Variants in CELSR1 observed in about 807,000 individuals in gnomAD.
The protein encoded by CELSR1 is adhesion G protein-coupled receptor C1.
A neutral mutation model predicts 249.1 loss-of-function variants in CELSR1; 110 were observed. The observed-to-expected ratio is 0.44, with a 90% CI of 0.38 to 0.52. CELSR1 has a LOEUF of 0.52. Ranked by LOEUF, CELSR1 falls within the 20% of genes least tolerant of loss-of-function variation. CELSR1 has a pLI of 0.00. For missense variants in CELSR1, 4,109 were observed against 4,296.4 expected, an observed-to-expected ratio of 0.96 and a Z score of 1.22; for synonymous variants, 2,113 against 1,900.0, an observed-to-expected ratio of 1.11 and a Z score of -2.92.
At chr22:46,373,426 G>A (rs988522636) in intron 24 of CELSR1, among the ~76,000 whole-genome samples, 2 of 145,000 alleles carry the variant, frequency 1.4e-5, no homozygotes, top group African/African-American at 2.6e-5. Context: ...CGGGGCGGGG[G>A]GGCAGCTTCA....
rs1183267391 is a variant in CELSR1 at position 46,437,209 on chromosome 22, A to C, written c.4407-920T>G. 1.3e-5 allele frequency among the ~76,000 whole-genome samples: 2 copies of C among 152,180 alleles called. No individual in the cohort carries two copies. Among genetic ancestry groups the C allele is most frequent in the African/African-American group, 4.8e-5 (2 of 41,528 alleles). On this transcript the variant is annotated intron_variant, in intron 3 of 34. Transcript: ENST00000674500. The surrounding 1 kb of genome is among the most constrained non-coding windows in gnomAD (Gnocchi z 4.9). ...TCAAATTCTCAGAAATCCTTCTCCC[A>C]CCCAGGGGCCCCGGGCAGGGGGTCT...
At position 46,439,179 on chromosome 22, in the gene CELSR1, G is replaced by A. The variant is rs772817112; in HGVS notation, c.4406+10C>T. On this transcript the variant is annotated intron_variant, in intron 3 of 34. Coordinates refer to ENST00000674500, the MANE Select transcript of CELSR1 (RefSeq NM_001378328.1). ...AGACCCCCGTGTGGCGCGGCGGGAC[G>A]CACACTCACGTGAGGGAGATGGTGA... 1.1e-5 allele frequency: 18 copies of A among 1,607,596 alleles called. No individual in the cohort carries two copies. Among genetic ancestry groups the A allele is most frequent in the East Asian group, 2.2e-5 (1 of 44,758 alleles).
In CELSR1 at chr22:46,535,369, T is replaced by C. The variant is rs1205075244; in HGVS notation, c.1802A>G (p.His601Arg). ...DADSGENARLHYRLVDTASTF... is the reference protein window; with the variant it reads ...DADSGENARLRYRLVDTASTF... The stretch of plus-strand genomic sequence containing the variant: ...GGAGGCCGTGTCCACCAGGCGATAG[T>C]GCAGCCGGGCGTTCTCTCCAGAGTC... Residue 601 changes from histidine (H) to arginine (R), a missense_variant, in exon 1 of 35, where the codon CAC (histidine) becomes CGC (arginine). Physicochemically the swap from His to Arg is conservative, Grantham distance 29. Around this residue, in one of 7 missense-constraint regions of CELSR1, gnomAD observed 886 missense variants for 896.5 expected, o/e 0.99. Transcript: ENST00000674500. 2 of 1,612,180 alleles carry C rather than the reference T, an allele frequency of 1.2e-6. No homozygotes were observed. The highest frequency in any genetic ancestry group is 8.5e-7 in the Non-Finnish European group (1 of 1,179,694).
intron 2 of CELSR1, among the ~76,000 whole-genome samples, chr22:46,442,589 G>C (rs950854390): frequency 2.0e-5 from 3 of 152,216 alleles, no homozygotes; most frequent in African/African-American, 7.2e-5. Context: ...CCTCAGCCAC[G>C]GGCTGATTTC....
rs990419062 is a variant in CELSR1, at chr22:46,484,317, ACCAGCCCAGC to A, written c.3545-19982_3545-19973del. 6.6e-6 allele frequency among the ~76,000 whole-genome samples: 1 copy of A among 151,994 alleles called. No individual in the cohort carries two copies. Among genetic ancestry groups the A allele is most frequent in the South Asian group, 2.1e-4 (1 of 4,816 alleles). Reference sequence around the variant, plus strand: ...TGCAGGGGACAGAGTCCCTCCTTCCACCAGCCCAGCCCAGCCCATGGTGGCAGCTGCCTCG... The same window carrying A: ...TGCAGGGGACAGAGTCCCTCCTTCCACCAGCCCATGGTGGCAGCTGCCTCG... On this transcript the variant is annotated intron_variant, in intron 1 of 34. Transcript: ENST00000674500. This position sits in a 1 kb window ranked among gnomAD's most constrained non-coding sequence, Gnocchi z 4.5.
Position 46,398,738 on chromosome 22 carries a change from A to T in CELSR1, c.5413-101T>A. On this transcript the variant is annotated intron_variant, in intron 10 of 34. Transcript: ENST00000674500. This position sits in a 1 kb window ranked among gnomAD's most constrained non-coding sequence, Gnocchi z 7.2. Reference sequence around the variant, plus strand: ...CACTGGAAGTCTAAACAGTCACTTCAACAAACTCCGCAGAGCCTGAGGACA... The same window carrying T: ...CACTGGAAGTCTAAACAGTCACTTCTACAAACTCCGCAGAGCCTGAGGACA... The T allele has an allele frequency of 1.1e-6, 1 of 884,352 alleles. No individual in the cohort carries two copies. The highest frequency in any genetic ancestry group is 1.7e-6 in the Non-Finnish European group (1 of 579,698). The allele number at this position is 884,352 out of a possible 1,614,324, so 54.8% of individuals were successfully genotyped here.
rs761035661 is a variant in CELSR1, at chr22:46,534,769, T to C, written c.2402A>G (p.Asp801Gly). ...SSHYTVSVSE[D>G]RPVGTSIATL... ...AGCAATGGAGGTGCCCACAGGCCTG[T>C]CCTCACTGACACTCACTGTGTAATG... Residue 801 changes from aspartate to glycine, a missense_variant, in exon 1 of 35, where the codon GAC becomes GGC. By Grantham distance (94) the Asp-to-Gly change is moderately conservative. Coordinates refer to ENST00000674500, the MANE Select transcript of CELSR1 (RefSeq NM_001378328.1). This position sits in a 1 kb window ranked among gnomAD's most constrained non-coding sequence, Gnocchi z 9.7. 6.2e-7 allele frequency: 1 copy of C among 1,613,134 alleles called. No individual in the cohort carries two copies. Among genetic ancestry groups the C allele is most frequent in the Admixed American group, 1.7e-5 (1 of 60,020 alleles).
In CELSR1 at chr22:46,361,264, C is replaced by G. The variant is rs996259338; in HGVS notation, c.*1959G>C. 3 of 152,578 alleles carry G rather than the reference C, an allele frequency of 2.0e-5. No individual in the cohort carries two copies. In the East Asian group the frequency reaches 5.8e-4, roughly 29 times the overall value. 9.5% of individuals were successfully genotyped at this position (152,578 alleles called of 1,614,324 possible). A position where few individuals can be genotyped will look rare whatever the true frequency, so the allele number is the denominator to read the frequency against. ...TAATAAATACACGTTCTGTTAAAAA[C>G]CTCCAGTGTCTAATCTCTCCCATAA... On this transcript the variant is annotated 3_prime_UTR_variant, in exon 35 of 35. Coordinates refer to ENST00000674500, the MANE Select transcript of CELSR1 (RefSeq NM_001378328.1).
chr22:46,368,778 G>C (rs1005190011), intron 27 of CELSR1, among the ~76,000 whole-genome samples: 5 of 151,650 alleles, frequency 3.3e-5, no homozygotes, highest in African/African-American at 1.2e-4. Flanking sequence ...TGCACCCTCT[G>C]ACAGTGGGGT....
At chr22:46,366,210 GC>G (rs2078777442) in intron 30 of CELSR1, among the ~76,000 whole-genome samples, 175 bp downstream of exon 30, 1 of 70,748 alleles carries the variant, frequency 1.4e-5, no homozygotes. Flanking sequence ...AAGGTGCGAG[GC>G]GGGGAGGGAA....
At chr22:46,370,058 G>C (rs769452053) in intron 25 of CELSR1, 25 of 574,188 alleles carry the variant, frequency 4.4e-5, no homozygotes, top group Middle Eastern at 2.7e-4. Context: ...TATCTGGGCC[G>C]GGGGCTGCTG....
intron 1 of CELSR1, chr22:46,481,378 AGCAGG>A: frequency 1.0e-6 from 1 of 959,240 alleles, no homozygotes; most frequent in Non-Finnish European, 1.7e-6. Context: ...CATAGTTGGG[AGCAGG>A]TGCATGTGGT....
At position 46,374,118 on chromosome 22, in the gene CELSR1, A is replaced by G. The variant is rs1315054398; in HGVS notation, c.7585-1061T>C. 6.6e-6 allele frequency among the ~76,000 whole-genome samples: 1 copy of G among 152,144 alleles called. No homozygotes were observed. Among genetic ancestry groups the G allele is most frequent in the Non-Finnish European group, 1.5e-5 (1 of 68,030 alleles). ...CGCAGGCTCAAGTTATGCCAGAGAC[A>G]GGCCCTTTGCCTCAGACTGTGGCCT... is the stretch of plus-strand genomic sequence containing the variant. On this transcript the variant is annotated intron_variant, in intron 24 of 34. Coordinates refer to ENST00000674500, the MANE Select transcript of CELSR1 (RefSeq NM_001378328.1). This position sits in a 1 kb window ranked among gnomAD's most constrained non-coding sequence, Gnocchi z 4.3.
intron 5 of CELSR1, among the ~76,000 whole-genome samples, chr22:46,414,376 C>A (rs964354167): frequency 1.3e-5 from 2 of 152,206 alleles, no homozygotes; most frequent in Non-Finnish European, 1.5e-5. Flanking sequence ...CACAGAGGAG[C>A]GGGGGGATCT....
At chr22:46,370,882 A>G (rs1456045762) in intron 25 of CELSR1, among the ~76,000 whole-genome samples, 2 of 152,264 alleles carry the variant, frequency 1.3e-5, no homozygotes, top group Non-Finnish European at 2.9e-5. Context: ...CCTAAGTGTT[A>G]AACAAAACAA....
chr22:46,517,316 T>C lies in CELSR1; in HGVS notation c.3544+16311A>G, dbSNP rs1371695620. On this transcript the variant is annotated intron_variant, in intron 1 of 34. Coordinates refer to ENST00000674500, the MANE Select transcript of CELSR1 (RefSeq NM_001378328.1). This position sits in a 1 kb window ranked among gnomAD's most constrained non-coding sequence, Gnocchi z 5.4. ...GGGAAGAGAGAATTCCTGCCACAAA[T>C]GCAATGGGTTTCCCGGGCCAAACCG... Among the ~76,000 whole-genome samples the C allele has an allele frequency of 2.6e-5, 4 of 152,188 alleles. No homozygotes were observed. Among genetic ancestry groups the C allele is most frequent in the Admixed American group, 2.0e-4 (3 of 15,286 alleles).
In CELSR1 at chr22:46,464,191, G is replaced by T; in HGVS notation, c.3699C>A (p.Ala1233=). 1 of 1,613,548 alleles carries T rather than the reference G, an allele frequency of 6.2e-7. No individual in the cohort carries two copies. The highest frequency in any genetic ancestry group is 1.1e-5 in the South Asian group (1 of 91,072). ...LLALFVEGVA[A]VLSTTKDDVF... ...CGTCGTCCTTGGTGGTGGACAGCACGGCGGCCACCCCCTCCACGAAGAGGG... is the reference window on the plus strand; with the variant it reads ...CGTCGTCCTTGGTGGTGGACAGCACTGCGGCCACCCCCTCCACGAAGAGGG... The change falls in exon 2 of 35, where the codon GCC becomes GCA. Residue 1233 remains alanine (A), a synonymous_variant. Transcript: ENST00000674500. The surrounding 1 kb of genome is among the most constrained non-coding windows in gnomAD (Gnocchi z 8.5).
rs1272254629 is a variant in CELSR1 at position 46,429,466 on chromosome 22, C to T, written c.4611+3927G>A. 4.6e-5 allele frequency among the ~76,000 whole-genome samples: 7 copies of T among 152,242 alleles called. No individual in the cohort carries two copies. Among genetic ancestry groups the T allele is most frequent in the Non-Finnish European group, 8.8e-5 (6 of 68,044 alleles). ...GGCTGTGTTGTTCATCTGTGCTTGG[C>T]GGAGCGCCACACAAATGTACAAGTG... On this transcript the variant is annotated intron_variant, in intron 5 of 34. Transcript: ENST00000674500. This position sits in a 1 kb window ranked among gnomAD's most constrained non-coding sequence, Gnocchi z 4.1.
At chr22:46,450,845 C>T (rs952684416) in intron 2 of CELSR1, among the ~76,000 whole-genome samples, 3 of 152,202 alleles carry the variant, frequency 2.0e-5, no homozygotes, top group Non-Finnish European at 4.4e-5. Context: ...AATCCATCCC[C>T]CAAGGCAGGG....
Sources: allele counts gnomAD v4.1 joint callset (sites outside exome capture counted in the v4.1 genomes callset), GRCh38; gene constraint gnomAD v4.1.1; regional missense constraint gnomAD v4.1.1; non-coding constraint Gnocchi (gnomAD v3.1); transcripts MANE v1.5; gene names NCBI Gene and HGNC (gene_info 2026-07-23, HGNC 2026-07-21).